MED12L: variants seen among roughly 807,000 people sequenced by gnomAD.
MED12L encodes mediator of RNA polymerase II transcription subunit 12-like protein.
A neutral mutation model predicts 281.3 loss-of-function variants in MED12L; 60 were observed. That is an observed-to-expected ratio of 0.21 (90% CI 0.17 to 0.26). MED12L has a LOEUF of 0.26. Among genes scored for constraint, MED12L ranks in the 10% least tolerant of loss-of-function variants. The pLI, the probability that MED12L is intolerant of heterozygous loss-of-function variation, is 1.00. For missense variants in MED12L, 2,146 were observed against 2,680.9 expected (o/e 0.80, Z 4.41); for synonymous variants, 974 against 987.2 (o/e 0.99, Z 0.25).
At chr3:151,401,179 T>C (rs909020791) in intron 39 of MED12L, among the ~76,000 whole-genome samples, 9 of 152,240 alleles carry the variant, frequency 5.9e-5, no homozygotes, top group African/African-American at 2.2e-4. Context: ...TATGTAGTTA[T>C]ATTCATTCAT....
intron 35 of MED12L, 74 bp downstream of exon 35, chr3:151,384,292 T>C: frequency 7.2e-7 from 1 of 1,379,566 alleles, no homozygotes; most frequent in Non-Finnish European, 9.9e-7. Flanking sequence ...TTTAATTTAT[T>C]ACTCATTAAA....
At chr3:151,213,255 A>G (rs1727478050) in intron 16 of MED12L, 2 of 1,419,948 alleles carry the variant, frequency 1.4e-6, no homozygotes, top group Non-Finnish European at 1.9e-6. Context: ...GTAATTGAAG[A>G]TGACAACATG....
chr3:151,413,103 C>A (rs1717139735), intron 41 of MED12L, 36 bp from the exon 42 acceptor site: 3 of 1,591,104 alleles, frequency 1.9e-6, no homozygotes, highest in Non-Finnish European at 2.6e-6. Flanking sequence ...TGACATTATG[C>A]TTGGGCCTGA....
At chr3:151,114,866 T>C (rs942514693) in intron 2 of MED12L, among the ~76,000 whole-genome samples, 13 of 152,226 alleles carry the variant, frequency 8.5e-5, no homozygotes, top group African/African-American at 2.9e-4. Flanking sequence ...GAGTAGGAGT[T>C]GTAGGCACAT....
intron 16 of MED12L, among the ~76,000 whole-genome samples, chr3:151,235,061 CACTT>C (rs1327483754): frequency 6.6e-6 from 1 of 152,202 alleles, no homozygotes; most frequent in African/African-American, 2.4e-5. Flanking sequence ...GGGTAGCAGA[CACTT>C]AGTGCCTTTG....
chr3:151,141,193 T>TG (rs1210346587), intron 5 of MED12L, among the ~76,000 whole-genome samples: 1 of 105,114 alleles, frequency 9.5e-6, no homozygotes, highest in Non-Finnish European at 1.9e-5. Context: ...TTTTGTTTTT[T>TG]TTTTTTTGTT....
intron 37 of MED12L, among the ~76,000 whole-genome samples, chr3:151,389,215 C>T (rs945819127): frequency 4.6e-5 from 7 of 152,206 alleles, no homozygotes; most frequent in African/African-American, 1.4e-4. Context: ...TGTCAGTCCA[C>T]GTGGATGGGC....
intron 39 of MED12L, among the ~76,000 whole-genome samples, chr3:151,407,304 A>G (rs192048909): frequency 2.6e-5 from 4 of 152,366 alleles, no homozygotes; most frequent in East Asian, 3.9e-4. Flanking sequence ...TGCAGCTGTC[A>G]CATGCAGATC....
chr3:151,349,923 A>T, intron 16 of MED12L, 136 bp from the exon 17 acceptor site: 2 of 560,250 alleles, frequency 3.6e-6, no homozygotes, highest in African/African-American at 2.0e-5. Flanking sequence ...GTGGAGGTTG[A>T]GGTGAATTGA....
rs9853284 is a variant in MED12L, at chr3:151,368,629, T to C, written c.3550+378T>C. 5.3e-3 allele frequency among the ~76,000 whole-genome samples: 490 copies of C among 92,848 alleles called. 12 individuals carry two copies. Among genetic ancestry groups the C allele is most frequent in the East Asian group, 0.045 (161 of 3,602 alleles). The allele number at this position is 92,848 out of a possible 152,430, so 60.9% of individuals were successfully genotyped here. On this transcript the variant is annotated intron_variant, in intron 25 of 44. Transcript: ENST00000687756. ...TATTTTATTTTATTTTATTTTATTT[T>C]ATTTCATTTCATTTCATTTCATTTC...
intron 31 of MED12L, 50 bp from the exon 32 acceptor site, chr3:151,380,063 T>A: frequency 8.8e-7 from 1 of 1,134,190 alleles, no homozygotes; most frequent in Non-Finnish European, 1.3e-6. Flanking sequence ...CCAGAGGAAG[T>A]AATGCATTAT....
At chr3:151,354,159 A>AAAAAAAAAAAAC (rs1560067178) in intron 17 of MED12L, among the ~76,000 whole-genome samples, 1 of 150,686 alleles carries the variant, frequency 6.6e-6, no homozygotes, top group East Asian at 1.9e-4. Context: ...AAAAAAAAAA[A>AAAAAAAAAAAAC]AAAAAGAATC....
In MED12L at chr3:151,411,399, A is replaced by G. The variant is rs754065618; in HGVS notation, c.6032A>G (p.His2011Arg). The part of the protein sequence containing the change: ...SYNSRAYPAA[H>R]SNPVLMERLR... ...AACTCCAGAGCCTATCCGGCCGCACATTCCAACCCCGTGCTAATGGAAAGA... is the reference window on the plus strand; with the variant it reads ...AACTCCAGAGCCTATCCGGCCGCACGTTCCAACCCCGTGCTAATGGAAAGA... The change falls in exon 41 of 45, where the codon CAT (histidine) becomes CGT (arginine). Residue 2011 changes from histidine (H) to arginine (R), a missense_variant. By Grantham distance (29) the His-to-Arg change is conservative. Around this residue, in one of 9 missense-constraint regions of MED12L, gnomAD observed 496 missense variants for 512.0 expected, o/e 0.97. Transcript: ENST00000687756. 16 of 1,614,056 alleles carry G rather than the reference A, an allele frequency of 9.9e-6. No individual in the cohort carries two copies. Among genetic ancestry groups the G allele is most frequent in the Non-Finnish European group, 1.3e-5 (15 of 1,180,044 alleles).
In MED12L at chr3:151,422,023, A is replaced by G. The variant is rs77700395; in HGVS notation, c.6408+5601A>G. Reference sequence around the variant, plus strand: ...GTCCTGCTGCTATCTGGTGACATTCACAGTTGAATTCAATAAATGCTTTTT... The same window carrying G: ...GTCCTGCTGCTATCTGGTGACATTCGCAGTTGAATTCAATAAATGCTTTTT... On this transcript the variant is annotated intron_variant, in intron 43 of 44. Coordinates refer to ENST00000687756, the MANE Select transcript of MED12L (RefSeq NM_001393769.1). Among the ~76,000 whole-genome samples the G allele has an allele frequency of 1.3e-3, 191 of 152,164 alleles. 1 individual carries two copies. Among genetic ancestry groups the G allele is most frequent in the African/African-American group, 4.5e-3 (188 of 41,516 alleles).
chr3:151,133,406 C>T (rs771807473), intron 5 of MED12L, among the ~76,000 whole-genome samples: 13 of 152,014 alleles, frequency 8.6e-5, no homozygotes, highest in Non-Finnish European at 1.5e-4. Flanking sequence ...AAAGATGTAC[C>T]CAGTACACTG....
At chr3:151,359,096 C>A (rs557855599) in intron 20 of MED12L, among the ~76,000 whole-genome samples, 8 of 152,256 alleles carry the variant, frequency 5.3e-5, no homozygotes, top group Admixed American at 3.9e-4. Context: ...CTCCCCACTT[C>A]AGTAGTCCCC....
intron 11 of MED12L, among the ~76,000 whole-genome samples, chr3:151,175,922 A>G (rs1174470034): frequency 6.6e-6 from 1 of 152,244 alleles, no homozygotes; most frequent in Non-Finnish European, 1.5e-5. Context: ...TCATGAGACC[A>G]GATAAACAAT....
At chr3:151,143,755 C>T (rs966416183) in intron 5 of MED12L, among the ~76,000 whole-genome samples, 1 of 152,122 alleles carries the variant, frequency 6.6e-6, no homozygotes, top group Non-Finnish European at 1.5e-5. Flanking sequence ...AAGTGGTGGC[C>T]TGTGTGTCTT....
At chr3:151,328,681 C>T in intron 16 of MED12L, 1 of 1,613,790 alleles carries the variant, frequency 6.2e-7, no homozygotes, top group Non-Finnish European at 8.5e-7. Context: ...CATACATGGT[C>T]TCATAAAATA....
Sources: gnomAD v4.1 joint callset for allele counts (sites outside exome capture counted in the v4.1 genomes callset) on GRCh38, gnomAD v4.1.1 for gene constraint, gnomAD v4.1.1 regional missense constraint, MANE v1.5 for transcripts, NCBI Gene and HGNC (gene_info 2026-07-23, HGNC 2026-07-21) for gene names.